Variants in NAA25 observed in about 807,000 individuals in gnomAD.
NAA25 encodes N-alpha-acetyltransferase 25, NatB auxiliary subunit.
A neutral mutation model predicts 132.5 loss-of-function variants in NAA25; 30 were observed. The observed-to-expected ratio is 0.23, with a 90% CI of 0.17 to 0.31. The LOEUF (loss-of-function observed/expected upper bound fraction) is 0.31, where lower values mean the gene tolerates loss of function less well. NAA25 is among the 10% of genes least tolerant of loss of function. The pLI, the probability that NAA25 is intolerant of heterozygous loss-of-function variation, is 1.00. For synonymous variants in NAA25, 359 were observed against 401.9 expected, an observed-to-expected ratio of 0.89 and a Z score of 1.28; for missense variants, 771 against 1,150.4, an observed-to-expected ratio of 0.67 and a Z score of 4.77.
intron 13 of NAA25, among the ~76,000 whole-genome samples, chr12:112,058,062 G>A (rs1157554547): frequency 1.3e-5 from 2 of 151,794 alleles, no homozygotes; most frequent in African/African-American, 4.8e-5. Context: ...CAGGAGAATC[G>A]CTTGAACCTG....
chr12:112,043,718 C>G lies in NAA25; in HGVS notation c.2157G>C (p.Gly719=). The change falls in exon 18 of 24, where the codon GGG becomes GGC. Residue 719 remains glycine (G), a synonymous_variant. Transcript: ENST00000261745. The part of the protein sequence containing the change: ...PKNSEKTAEN[G]VSSRIDILRL... ...GAAGAATATCAATCCGGGAGGATAC[C>G]CCATTCTCGGCAGTCTTCTCCGAGT... The G allele has an allele frequency of 1.2e-6, 2 of 1,614,126 alleles. No individual in the cohort carries two copies. The highest frequency in any genetic ancestry group is 1.1e-5 in the South Asian group (1 of 91,084).
Position 112,068,860 on chromosome 12 carries a change from C to A in NAA25, c.1149+20G>T, listed in dbSNP as rs757739523. The A allele has an allele frequency of 1.4e-6, 2 of 1,428,722 alleles. No homozygotes were observed. Among genetic ancestry groups the A allele is most frequent in the Admixed American group, 4.3e-5 (2 of 46,780 alleles). 88.5% of individuals were successfully genotyped at this position (1,428,722 alleles called of 1,614,324 possible). A position where few individuals can be genotyped will look rare whatever the true frequency, so the allele number is the denominator to read the frequency against. On this transcript the variant is annotated intron_variant, in intron 11 of 23. Coordinates refer to ENST00000261745, the MANE Select transcript of NAA25 (RefSeq NM_024953.4). ...ACAAATAGAGGCACCCAACAAACTT[C>A]TAAACTGTATAGTACTTACTTTTGT...
intron 22 of NAA25, chr12:112,037,592 T>C (rs2078242188): frequency 1.4e-5 from 2 of 140,792 alleles, no homozygotes; most frequent in Middle Eastern, 1.6e-3. Flanking sequence ...TAAAGAAATC[T>C]GGTAGATATG....
intron 1 of NAA25, among the ~76,000 whole-genome samples, chr12:112,099,253 G>C (rs1453492123): frequency 1.3e-5 from 2 of 151,044 alleles, no homozygotes; most frequent in Non-Finnish European, 2.9e-5. Context: ...CTCCCAAAGT[G>C]CTGGGATTAT....
At chr12:112,064,022 G>A (rs900946626) in intron 11 of NAA25, 6 of 151,850 alleles carry the variant, frequency 4.0e-5, no homozygotes, top group African/African-American at 1.5e-4. Context: ...GACTATAGGT[G>A]TGTGCCACTG....
rs958530 is a variant in NAA25, at chr12:112,070,620, G to A, written c.1036+1275C>T. Among the ~76,000 whole-genome samples the A allele has an allele frequency of 0.055, 8,407 of 152,070 alleles. 1,278 individuals are homozygous for A. In the East Asian group the frequency reaches 0.61, roughly 11 times the overall value. ...AGAGTCTCGCTGTGTCACCCAGGCT[G>A]AAGCTGGAGTGCGGTGGCGCGATCT... On this transcript the variant is annotated intron_variant, in intron 10 of 23. Coordinates refer to ENST00000261745, the MANE Select transcript of NAA25 (RefSeq NM_024953.4).
intron 9 of NAA25, among the ~76,000 whole-genome samples, chr12:112,072,973 C>T (rs2078837075): frequency 6.6e-6 from 1 of 152,018 alleles, no homozygotes. Flanking sequence ...GTGGCTCACA[C>T]CTGTAATCCT....
chr12:112,029,942 G>A (rs937078052), intron 23 of NAA25, among the ~76,000 whole-genome samples: 2 of 152,186 alleles, frequency 1.3e-5, no homozygotes, highest in Non-Finnish European at 2.9e-5. Context: ...GCCAGGCACG[G>A]TGGCTCACGC....
At chr12:112,041,322 G>C (rs1013583955) in intron 20 of NAA25, among the ~76,000 whole-genome samples, 7 of 151,858 alleles carry the variant, frequency 4.6e-5, no homozygotes, top group African/African-American at 1.7e-4. Flanking sequence ...CGAGTAGCTG[G>C]GACTACAGGA....
chr12:112,072,382 CG>C (rs1271792408), intron 9 of NAA25, among the ~76,000 whole-genome samples: 1 of 150,152 alleles, frequency 6.7e-6, no homozygotes, highest in Non-Finnish European at 1.5e-5. Context: ...CTGAGGTGGG[CG>C]GATCACTTGA....
chr12:112,062,585 G>A (rs1022119018), intron 11 of NAA25, among the ~76,000 whole-genome samples: 2 of 151,706 alleles, frequency 1.3e-5, no homozygotes, highest in Non-Finnish European at 2.9e-5. Context: ...AATTAGCTGG[G>A]TGTGGTGGTG....
chr12:112,039,525 C>T (rs1278576841), intron 21 of NAA25, 186 bp from the exon 22 acceptor site: 1 of 470,504 alleles, frequency 2.1e-6, no homozygotes, highest in Non-Finnish European at 3.8e-6. Flanking sequence ...TCATCTCCTG[C>T]TCAGAATACT....
At chr12:112,095,457 A>C (rs2136936325) in intron 1 of NAA25, among the ~76,000 whole-genome samples, 1 of 151,894 alleles carries the variant, frequency 6.6e-6, no homozygotes, top group East Asian at 2.0e-4. Flanking sequence ...GAATTAAAAA[A>C]ATTTGTCAGG....
Position 112,048,238 on chromosome 12 carries a change from C to T in NAA25, c.1880+54G>A, listed in dbSNP as rs2078416064. On this transcript the variant is annotated intron_variant, in intron 16 of 23. Coordinates refer to ENST00000261745, the MANE Select transcript of NAA25 (RefSeq NM_024953.4). ...AACACCCATGAGCCCATTAATGGCT[C>T]TTAACAACTGATCTAATCCCTTAGT... 4 of 1,552,708 alleles carry T rather than the reference C, an allele frequency of 2.6e-6. No homozygotes were observed. The African/African-American group carries it at 5.5e-5, about 21-fold the overall frequency.
intron 1 of NAA25, among the ~76,000 whole-genome samples, chr12:112,100,332 T>C (rs1288480170): frequency 6.6e-6 from 1 of 152,082 alleles, no homozygotes; most frequent in South Asian, 2.1e-4. Flanking sequence ...TGGCTAATTT[T>C]TTTGTATTTT....
chr12:112,045,125 C>A (rs932947136), intron 17 of NAA25, among the ~76,000 whole-genome samples: 1 of 152,110 alleles, frequency 6.6e-6, no homozygotes. Context: ...ATAACCAATA[C>A]TCACAGTATT....
In NAA25 at chr12:112,054,452, A is replaced by G; in HGVS notation, c.1564T>C (p.Phe522Leu). ...GAGTAAAGATCCACCACTGGTTCAA[A>G]TGCACCCAGCATACAGTAGATTCGA... is the stretch of plus-strand genomic sequence containing the variant. ...LVRIYCMLGA[F>L]EPVVDLYSSL... The change falls in exon 14 of 24, where the codon TTT becomes CTT. Residue 522 changes from phenylalanine to leucine, a missense_variant. Phe to Leu is a conservative substitution (Grantham distance 22, BLOSUM62 0). This residue lies in a region of NAA25 where 417 missense variants were observed against 733.8 expected (regional missense o/e 0.57). Coordinates refer to ENST00000261745, the MANE Select transcript of NAA25 (RefSeq NM_024953.4). The G allele has an allele frequency of 6.2e-7, 1 of 1,614,184 alleles. No individual in the cohort carries two copies. The highest frequency in any genetic ancestry group is 8.5e-7 in the Non-Finnish European group (1 of 1,180,012).
rs1566003292 is a variant in NAA25, at chr12:112,047,766, T to C, written c.1905A>G (p.Ile635Met). 1.2e-5 allele frequency: 20 copies of C among 1,612,484 alleles called. No homozygotes were observed. The highest frequency in any genetic ancestry group is 1.5e-5 in the Non-Finnish European group (18 of 1,179,450). Reference sequence around the variant, plus strand: ...CTTCTGGCCTAAGGTTCATTGACTTTATACTTTCTGCTAAACTGGTTGATC... The same window carrying C: ...CTTCTGGCCTAAGGTTCATTGACTTCATACTTTCTGCTAAACTGGTTGATC... The part of the protein sequence containing the change: ...ANISTSLAES[I>M]KSMNLRPEED... Residue 635 changes from isoleucine to methionine, a missense_variant, in exon 17 of 24, where the codon ATA becomes ATG. Ile to Met is a conservative substitution (Grantham distance 10). Around this residue, in one of 3 missense-constraint regions of NAA25, gnomAD observed 324 missense variants for 400.0 expected, o/e 0.81. Coordinates refer to ENST00000261745, the MANE Select transcript of NAA25 (RefSeq NM_024953.4).
At chr12:112,057,348 C>T (rs2078562506) in intron 13 of NAA25, among the ~76,000 whole-genome samples, 1 of 152,256 alleles carries the variant, frequency 6.6e-6, no homozygotes, top group Middle Eastern at 3.4e-3. Context: ...AAGAGACTAG[C>T]AAAGCCATAG....
Sources: allele counts gnomAD v4.1 joint callset (sites outside exome capture counted in the v4.1 genomes callset), GRCh38; gene constraint gnomAD v4.1.1; regional missense constraint gnomAD v4.1.1; transcripts MANE v1.5; gene names NCBI Gene and HGNC (gene_info 2026-07-23, HGNC 2026-07-21).